The following DOCK8 variants were observed in gnomAD, a reference collection of about 807,000 sequenced individuals.
DOCK8 encodes the protein dedicator of cytokinesis protein 8.
DOCK8 carries 141 observed loss-of-function variants against 245.6 expected under a neutral mutation model. That is an observed-to-expected ratio of 0.57 (90% CI 0.50 to 0.66). DOCK8 has a LOEUF of 0.66. DOCK8 is among the 30% of genes least tolerant of loss of function. The pLI is 0.00. For synonymous variants in DOCK8, 1,168 were observed against 970.2 expected (o/e 1.20, Z -3.79); for missense variants, 2,965 against 2,603.4 (o/e 1.14, Z -3.02).
intron 1 of DOCK8, among the ~76,000 whole-genome samples, chr9:251,448 G>T (rs995007082): frequency 5.9e-5 from 9 of 152,166 alleles, no homozygotes; most frequent in Non-Finnish European, 1.0e-4. Flanking sequence ...GCTAAAACCT[G>T]CTCTTTTTAG....
intron 40 of DOCK8, among the ~76,000 whole-genome samples, chr9:440,788 G>C (rs1437624968): frequency 1.3e-5 from 2 of 152,174 alleles, no homozygotes; most frequent in Non-Finnish European, 2.9e-5. Flanking sequence ...ACCCAGGCTG[G>C]AGTGCAGTGA....
At chr9:289,073 G>T (rs2048936518) in intron 3 of DOCK8, among the ~76,000 whole-genome samples, 1 of 152,156 alleles carries the variant, frequency 6.6e-6, no homozygotes, top group African/African-American at 2.4e-5. Context: ...CAAAGCATAA[G>T]ACAACTGTTC....
chr9:332,562 CTT>C (rs2051067026), intron 10 of DOCK8, 84 bp downstream of exon 10: 1 of 909,214 alleles, frequency 1.1e-6, no homozygotes, highest in Non-Finnish European at 1.8e-6. Context: ...AGTTAATGGG[CTT>C]TAGTCCCTAA....
chr9:383,174 C>A (rs1044383996), intron 22 of DOCK8, among the ~76,000 whole-genome samples: 14 of 150,908 alleles, frequency 9.3e-5, no homozygotes, highest in Non-Finnish European at 1.8e-4. Flanking sequence ...CCGAGGCGGG[C>A]GGATTACTTG....
At chr9:344,255 A>G (rs2051757559) in intron 14 of DOCK8, among the ~76,000 whole-genome samples, 1 of 152,112 alleles carries the variant, frequency 6.6e-6, no homozygotes, top group Non-Finnish European at 1.5e-5. Context: ...AGGCCACCAT[A>G]TTTTATAGTC....
chr9:291,491 T>G (rs1359389624), intron 4 of DOCK8, among the ~76,000 whole-genome samples: 1 of 152,212 alleles, frequency 6.6e-6, no homozygotes, highest in African/African-American at 2.4e-5. Flanking sequence ...ACATGCATTT[T>G]CAGTTTTCAC....
At chr9:391,893 C>T (rs2054208329) in intron 24 of DOCK8, among the ~76,000 whole-genome samples, 1 of 142,734 alleles carries the variant, frequency 7.0e-6, no homozygotes, top group Non-Finnish European at 1.5e-5. Flanking sequence ...AATCCTAGCA[C>T]TTTGGGAGGC....
chr9:333,298 G>T (rs114326294), intron 10 of DOCK8, among the ~76,000 whole-genome samples: 1 of 152,244 alleles, frequency 6.6e-6, no homozygotes, highest in East Asian at 1.9e-4. Context: ...GATTCCCAGT[G>T]TGATTTTTAA....
chr9:428,542 T>G, intron 35 of DOCK8, 46 bp downstream of exon 35: 1 of 1,608,746 alleles, frequency 6.2e-7, no homozygotes, highest in Non-Finnish European at 8.5e-7. Context: ...AAGAGTAAGA[T>G]TCTCATCTAG....
At chr9:250,773 T>C (rs1004503348) in intron 1 of DOCK8, among the ~76,000 whole-genome samples, 1 of 152,212 alleles carries the variant, frequency 6.6e-6, no homozygotes, top group African/African-American at 2.4e-5. Context: ...CACTGCCTGA[T>C]GCAGCCGAAA....
At chr9:257,961 A>T (rs2047819850) in intron 1 of DOCK8, among the ~76,000 whole-genome samples, 1 of 152,332 alleles carries the variant, frequency 6.6e-6, no homozygotes, top group Middle Eastern at 3.4e-3. Context: ...TTTGAGAACC[A>T]CTGCAATAGA....
rs17722303 is a variant in DOCK8 at position 331,389 on chromosome 9, C to A, written c.1045-1009C>A. On this transcript the variant is annotated intron_variant, in intron 9 of 47. Transcript: ENST00000432829. Reference sequence around the variant, plus strand: ...GAAGAGAGACTTCCTGCTTGGAGTCCTCCCTGAAGCAGATATTCATTGAGT... The same window carrying A: ...GAAGAGAGACTTCCTGCTTGGAGTCATCCCTGAAGCAGATATTCATTGAGT... 3.3e-5 allele frequency among the ~76,000 whole-genome samples: 5 copies of A among 152,182 alleles called. No individual in the cohort carries two copies. The South Asian group carries it at 1.0e-3, about 32-fold the overall frequency.
intron 2 of DOCK8, 110 bp from the exon 3 acceptor site, chr9:286,351 C>G (rs557121224): frequency 1.6e-6 from 2 of 1,254,832 alleles, no homozygotes; most frequent in South Asian, 2.7e-5. Flanking sequence ...ATGCCAGGAG[C>G]GAAGTACTTA....
At chr9:441,509 G>A in intron 41 of DOCK8, 92 bp downstream of exon 41, 1 of 1,585,594 alleles carries the variant, frequency 6.3e-7, no homozygotes, top group Non-Finnish European at 8.6e-7. Context: ...TCCAGGGAGT[G>A]ATTTATCTTT....
Position 376,321 on chromosome 9 carries a change from G to C in DOCK8, c.2205+16G>C. 6.4e-7 allele frequency: 1 copy of C among 1,569,096 alleles called. No individual in the cohort carries two copies. Among genetic ancestry groups the C allele is most frequent in the Non-Finnish European group, 8.8e-7 (1 of 1,138,838 alleles). On this transcript the variant is annotated intron_variant, in intron 19 of 47. Transcript: ENST00000432829. ...ACACACCCAGGTAAGGAATGTCAAGGTTAATCATGAAGGTAAAGGTGCAGC... is the reference window on the plus strand; with the variant it reads ...ACACACCCAGGTAAGGAATGTCAAGCTTAATCATGAAGGTAAAGGTGCAGC...
At chr9:415,319 CCTTTT>C (rs2055943625) in intron 29 of DOCK8, among the ~76,000 whole-genome samples, 4 of 152,180 alleles carry the variant, frequency 2.6e-5, no homozygotes, top group Non-Finnish European at 5.9e-5. Flanking sequence ...GTGTTCCTTC[CCTTTT>C]CTTTTATGAA....
chr9:393,044 C>T (rs1383134048), intron 24 of DOCK8, among the ~76,000 whole-genome samples: 1 of 135,842 alleles, frequency 7.4e-6, no homozygotes, highest in Non-Finnish European at 1.5e-5. Flanking sequence ...CTTGATCATG[C>T]CATTGCACTC....
intron 32 of DOCK8, 139 bp from the exon 33 acceptor site, chr9:421,909 C>G (rs977721019): frequency 3.0e-5 from 23 of 767,064 alleles, no homozygotes; most frequent in Non-Finnish European, 5.0e-5. Context: ...GACTTTGTCT[C>G]CTACCAGCAA....
chr9:336,179 T>C (rs766425563), intron 11 of DOCK8, among the ~76,000 whole-genome samples: 9 of 152,222 alleles, frequency 5.9e-5, no homozygotes, highest in Non-Finnish European at 1.3e-4. Flanking sequence ...CAATCACAAA[T>C]GCCTTCAGGG....
Sources: allele counts gnomAD v4.1 joint callset (sites outside exome capture counted in the v4.1 genomes callset), GRCh38; gene constraint gnomAD v4.1.1; transcripts MANE v1.5; gene names NCBI Gene and HGNC (gene_info 2026-07-23, HGNC 2026-07-21).